SH3KBP1: variants seen among roughly 807,000 people sequenced by gnomAD.
SH3KBP1 encodes the protein SH3 domain-containing kinase-binding protein 1.
A neutral mutation model predicts 50.1 loss-of-function variants in SH3KBP1; 8 were observed. That is an observed-to-expected ratio of 0.16 (90% CI 0.09 to 0.29). The LOEUF is 0.29. Ranked by LOEUF, SH3KBP1 falls within the 10% of genes least tolerant of loss-of-function variation. The pLI is 1.00. For synonymous variants in SH3KBP1, 227 were observed against 218.6 expected (o/e 1.04, Z -0.34); for missense variants, 377 against 535.2 (o/e 0.70, Z 2.92).
intron 17 of SH3KBP1, 59 bp downstream of exon 17, chrX:19,537,658 A>T: frequency 1.0e-6 from 1 of 966,510 alleles, no homozygotes; most frequent in Non-Finnish European, 1.5e-6. Context: ...AAAAGCCCTC[A>T]CAATGTCCTG....
chrX:19,589,173 C>T lies in SH3KBP1; in HGVS notation c.1139-371G>A, dbSNP rs138604880. The stretch of plus-strand genomic sequence containing the variant: ...TCCTCACCTGAGCATTACAGGGCAG[C>T]GCTTTACAAACACGCTCAGACACTT... On this transcript the variant is annotated intron_variant, in intron 11 of 17. Coordinates refer to ENST00000397821, the MANE Select transcript of SH3KBP1 (RefSeq NM_031892.3). Among the ~76,000 whole-genome samples, 8 of 112,808 alleles carry T rather than the reference C, an allele frequency of 7.1e-5. No individual in the cohort carries two copies. In the East Asian group the frequency reaches 1.1e-3, roughly 16 times the overall value.
chrX:19,712,802 A>T (rs191168071), intron 3 of SH3KBP1, among the ~76,000 whole-genome samples: 3 of 111,854 alleles, frequency 2.7e-5, no homozygotes, highest in East Asian at 5.6e-4. Flanking sequence ...ACTGAGAAGG[A>T]CCTATAGAAT....
At chrX:19,705,185 T>A (rs774293094) in intron 4 of SH3KBP1, among the ~76,000 whole-genome samples, 15 of 112,414 alleles carry the variant, frequency 1.3e-4, no homozygotes, top group Non-Finnish European at 2.4e-4. Context: ...GACTTTTTTC[T>A]CCGTCTGGGA....
At chrX:19,728,755 A>G (rs748654263) in intron 3 of SH3KBP1, among the ~76,000 whole-genome samples, 1 of 111,937 alleles carries the variant, frequency 8.9e-6, no homozygotes, top group South Asian at 3.7e-4. Flanking sequence ...AAGCTTAATA[A>G]CCAAATGAGG....
At chrX:19,612,395 C>T (rs1427630799) in intron 8 of SH3KBP1, among the ~76,000 whole-genome samples, 3 of 111,556 alleles carry the variant, frequency 2.7e-5, no homozygotes, top group Non-Finnish European at 5.6e-5. Context: ...CCCCAAGTAG[C>T]TGGGATTACA....
chrX:19,635,454 G>A (rs1034672311), intron 7 of SH3KBP1, among the ~76,000 whole-genome samples: 1 of 109,454 alleles, frequency 9.1e-6, no homozygotes, highest in Non-Finnish European at 1.9e-5. Flanking sequence ...CTTAGAGGAT[G>A]GGTCAACAGG....
At chrX:19,701,598 G>A (rs780946080) in intron 4 of SH3KBP1, among the ~76,000 whole-genome samples, 1 of 111,838 alleles carries the variant, frequency 8.9e-6, no homozygotes, top group Non-Finnish European at 1.9e-5. Context: ...TGCATCTTCA[G>A]TTGAAACCTC....
chrX:19,852,448 C>T (rs1007612816), intron 1 of SH3KBP1, among the ~76,000 whole-genome samples: 10 of 110,673 alleles, frequency 9.0e-5, no homozygotes, highest in African/African-American at 3.3e-4. Flanking sequence ...AACTGGAATA[C>T]GCTCTACAAG....
rs1353943845 is a variant in SH3KBP1 at position 19,536,207 on chromosome X, A to G, written c.*210T>C. The G allele has an allele frequency of 9.0e-6, 3 of 333,246 alleles. No individual in the cohort carries two copies. The Admixed American group carries it at 1.7e-4, about 19-fold the overall frequency. The allele number at this position is 333,246 out of a possible 1,213,427, so 27.5% of individuals were successfully genotyped here. A position where few individuals can be genotyped will look rare whatever the true frequency, so the allele number is the denominator to read the frequency against. On this transcript the variant is annotated 3_prime_UTR_variant, in exon 18 of 18. Transcript: ENST00000397821. ...ACAATTTTGCTCTGTGTAAGTCACA[A>G]CGAGTGCCAGCCCCAGGACTAAACC...
intron 1 of SH3KBP1, among the ~76,000 whole-genome samples, chrX:19,886,728 G>A (rs981405930): frequency 4.5e-5 from 5 of 110,893 alleles, no homozygotes; most frequent in Admixed American, 9.5e-5. Flanking sequence ...GAGGAAGGGG[G>A]GCGCAAGGAG....
chrX:19,817,943 GAT>G (rs1334906255), intron 2 of SH3KBP1, among the ~76,000 whole-genome samples: 1 of 111,954 alleles, frequency 8.9e-6, no homozygotes, highest in East Asian at 2.8e-4. Flanking sequence ...CCAATATTTA[GAT>G]ATGTTTAGAT....
In SH3KBP1 at chrX:19,567,416, C is replaced by T. The variant is rs1477972066; in HGVS notation, c.1384+1687G>A. Among the ~76,000 whole-genome samples the T allele has an allele frequency of 6.2e-5, 6 of 96,233 alleles. No homozygotes were observed. In the East Asian group the frequency reaches 1.0e-3, roughly 16 times the overall value. The allele number at this position is 96,233 out of a possible 115,157, so 83.6% of individuals were successfully genotyped here. The stretch of plus-strand genomic sequence containing the variant: ...TACCTGTGGTCCCAGCTACTCAGGA[C>T]GCTGGGGTGGGAGGATCGCTTGAAC... On this transcript the variant is annotated intron_variant, in intron 13 of 17. Transcript: ENST00000397821.
At chrX:19,539,422 T>C (rs2064817227) in intron 16 of SH3KBP1, among the ~76,000 whole-genome samples, 1 of 111,949 alleles carries the variant, frequency 8.9e-6, no homozygotes, top group Non-Finnish European at 1.9e-5. Flanking sequence ...TGTATTTATT[T>C]AAGCGCACAT....
At chrX:19,562,844 G>A (rs1356847640) in intron 13 of SH3KBP1, among the ~76,000 whole-genome samples, 1 of 111,872 alleles carries the variant, frequency 8.9e-6, no homozygotes, top group Non-Finnish European at 1.9e-5. Flanking sequence ...CAGCTATTTT[G>A]CAGGCTGGTG....
intron 6 of SH3KBP1, among the ~76,000 whole-genome samples, chrX:19,677,008 C>A (rs1352619341): frequency 8.9e-6 from 1 of 112,150 alleles, no homozygotes; most frequent in Non-Finnish European, 1.9e-5. Flanking sequence ...AGTAAACAAC[C>A]AACCTGGCAA....
rs2064663234 is a variant in SH3KBP1 at position 19,534,547 on chromosome X, A to T, written c.*1870T>A. 1 of 208,895 alleles carries T rather than the reference A, an allele frequency of 4.8e-6. No homozygotes were observed. Among genetic ancestry groups the T allele is most frequent in the African/African-American group, 2.9e-5 (1 of 34,461 alleles). 17.2% of individuals were successfully genotyped at this position (208,895 alleles called of 1,213,427 possible). A position where few individuals can be genotyped will look rare whatever the true frequency, so the allele number is the denominator to read the frequency against. On this transcript the variant is annotated 3_prime_UTR_variant, in exon 18 of 18. Coordinates refer to ENST00000397821, the MANE Select transcript of SH3KBP1 (RefSeq NM_031892.3). ...TCATTAGGTCGTGGGGAATCTCTGG[A>T]ATCTTCAAGTTTAACGCAGAAATGC... is the stretch of plus-strand genomic sequence containing the variant.
At chrX:19,607,830 T>C in intron 9 of SH3KBP1, 108 bp downstream of exon 9, 2 of 625,765 alleles carry the variant, frequency 3.2e-6, no homozygotes, top group East Asian at 3.4e-5. Context: ...TCTGGGTCTG[T>C]TGAATGTTCA....
chrX:19,742,530 T>A (rs1177800594), intron 3 of SH3KBP1, among the ~76,000 whole-genome samples: 1 of 111,887 alleles, frequency 8.9e-6, no homozygotes, highest in Non-Finnish European at 1.9e-5. Context: ...TTTATTCAAT[T>A]TTTCTTCTAA....
chrX:19,648,376 AGGGC>A (rs2062038781), intron 6 of SH3KBP1, among the ~76,000 whole-genome samples: 1 of 99,688 alleles, frequency 1.0e-5, no homozygotes, highest in Non-Finnish European at 2.0e-5. Flanking sequence ...GGAGGGAAGG[AGGGC>A]AAGAGGGAGG....
Sources: gnomAD v4.1 joint callset for allele counts (sites outside exome capture counted in the v4.1 genomes callset) on GRCh38, gnomAD v4.1.1 for gene constraint, MANE v1.5 for transcripts, NCBI Gene and HGNC (gene_info 2026-07-23, HGNC 2026-07-21) for gene names.